The following CHLSN variants were observed in gnomAD, a reference collection of about 807,000 sequenced individuals.
The protein encoded by CHLSN is cholesin, also known as protein cholesin.
chr7:1,065,863 C>A, the CHLSN span, among the ~76,000 whole-genome samples: 3 of 152,248 alleles, frequency 2.0e-5, no homozygotes, highest in East Asian at 1.9e-4. Context: ...ACTTTTAATA[C>A]TCCGCGATCC....
chr7:1,120,310 GTTTT>G, the CHLSN span, among the ~76,000 whole-genome samples: 5 of 151,858 alleles, frequency 3.3e-5, no homozygotes, highest in African/African-American at 1.2e-4. Flanking sequence ...ACATTTTGGG[GTTTT>G]TTTTATTTTT....
At chr7:1,085,807 T>G in the CHLSN span, among the ~76,000 whole-genome samples, 1 of 150,744 alleles carries the variant, frequency 6.6e-6, no homozygotes, top group African/African-American at 2.5e-5. Flanking sequence ...CACACTGGCC[T>G]GGGCAACAGA....
chr7:1,033,765 G>C, the CHLSN span, among the ~76,000 whole-genome samples: 5 of 152,066 alleles, frequency 3.3e-5, no homozygotes, highest in African/African-American at 1.2e-4. Flanking sequence ...TGCCTCCTGA[G>C]TGAGGTGAGG....
chr7:1,017,260 G>T, the CHLSN span, among the ~76,000 whole-genome samples: 1 of 151,722 alleles, frequency 6.6e-6, no homozygotes, highest in South Asian at 2.1e-4. Context: ...GGGAAGATAA[G>T]GAGCTCCCTG....
At chr7:1,068,717 G>A in the CHLSN span, among the ~76,000 whole-genome samples, 1 of 152,072 alleles carries the variant, frequency 6.6e-6, no homozygotes, top group South Asian at 2.1e-4. Flanking sequence ...TTACTCGTCT[G>A]CAACATAGCT....
At chr7:985,169 G>C in the CHLSN span, 6 of 1,581,010 alleles carry the variant, frequency 3.8e-6, no homozygotes, top group Non-Finnish European at 5.2e-6. Flanking sequence ...CTCGCAGGCC[G>C]GCCCTTCCCG....
the CHLSN span, among the ~76,000 whole-genome samples, chr7:1,118,855 A>T: frequency 4.0e-5 from 6 of 149,058 alleles, no homozygotes; most frequent in South Asian, 1.1e-3. Context: ...ATTAAAGCAT[A>T]TTTTTTTTTA....
At chr7:1,064,060 C>T in the CHLSN span, among the ~76,000 whole-genome samples, 1 of 152,166 alleles carries the variant, frequency 6.6e-6, no homozygotes, top group African/African-American at 2.4e-5. Flanking sequence ...ACATCTCGAA[C>T]TTTAGACAGA....
At chr7:1,122,651 G>A in the CHLSN span, among the ~76,000 whole-genome samples, 73 of 152,252 alleles carry the variant, frequency 4.8e-4, 2 homozygotes, top group East Asian at 0.013. Context: ...CAGTCCTCCC[G>A]AAGGACATGT....
chr7:1,007,876 G>A, the CHLSN span, among the ~76,000 whole-genome samples: 1 of 152,162 alleles, frequency 6.6e-6, no homozygotes, highest in African/African-American at 2.4e-5. Flanking sequence ...CTCGGAGGGT[G>A]TGTGATCATG....
the CHLSN span, among the ~76,000 whole-genome samples, chr7:1,016,209 GCACACAGCAGCACACGC>G: frequency 1.2e-5 from 1 of 83,734 alleles, no homozygotes; most frequent in African/African-American, 7.2e-5. Context: ...GCGCACGCCA[GCACACAGCAGCACACGC>G]CAGCACACAG....
chr7:1,130,728 G>C, the CHLSN span, among the ~76,000 whole-genome samples: 2 of 152,194 alleles, frequency 1.3e-5, no homozygotes, highest in Non-Finnish European at 2.9e-5. Flanking sequence ...GGGGGCGGGG[G>C]GGTGCCACAG....
chr7:986,608 C>T, the CHLSN span: 3 of 1,612,322 alleles, frequency 1.9e-6, no homozygotes, highest in East Asian at 6.7e-5. Context: ...CTCCGCTCCT[C>T]CTGCCTCCTG....
chr7:1,055,821 G>A, the CHLSN span, among the ~76,000 whole-genome samples: 1 of 152,160 alleles, frequency 6.6e-6, no homozygotes, highest in Non-Finnish European at 1.5e-5. Flanking sequence ...AGATCCGGGG[G>A]CCCTGGGCGC....
chr7:996,715 TG>T, the CHLSN span, among the ~76,000 whole-genome samples: 1 of 152,180 alleles, frequency 6.6e-6, no homozygotes, highest in African/African-American at 2.4e-5. Flanking sequence ...TCACATCACT[TG>T]GGGGCAGGGA....
chr7:1,060,671 G>T, the CHLSN span, among the ~76,000 whole-genome samples: 17,453 of 152,282 alleles, frequency 0.11, 1,227 homozygotes, highest in Middle Eastern at 0.26. Context: ...GCTCAGACCC[G>T]CGGGACAGGC....
At chr7:1,115,010 CCT>C in the CHLSN span, among the ~76,000 whole-genome samples, 1 of 152,216 alleles carries the variant, frequency 6.6e-6, no homozygotes, top group Non-Finnish European at 1.5e-5. Context: ...CTGTGGGGGT[CCT>C]GTTTCGCCTT....
the CHLSN span, among the ~76,000 whole-genome samples, chr7:1,106,498 G>A: frequency 6.6e-6 from 1 of 151,908 alleles, no homozygotes. Flanking sequence ...CCAGACTCAG[G>A]CTGGAGGGGC....
the CHLSN span, among the ~76,000 whole-genome samples, chr7:1,122,793 C>T: frequency 2.4e-4 from 36 of 152,328 alleles, no homozygotes; most frequent in South Asian, 1.2e-3. Context: ...AGGAAGCAGA[C>T]AGGGCAAACC....
Sources: allele counts gnomAD v4.1 joint callset (sites outside exome capture counted in the v4.1 genomes callset), GRCh38; gene constraint gnomAD v4.1.1; transcripts MANE v1.5; gene names NCBI Gene and HGNC (gene_info 2026-07-23, HGNC 2026-07-21).